The following FBXL17 variants were observed in gnomAD, a reference collection of about 807,000 sequenced individuals.
The protein encoded by FBXL17 is F-box and leucine rich repeat protein 17.
Under a neutral mutation model 66.2 loss-of-function variants are expected in FBXL17, and 22 were observed. The observed-to-expected ratio is 0.33, with a 90% CI of 0.24 to 0.47. The LOEUF (loss-of-function observed/expected upper bound fraction) is 0.47, where lower values mean the gene tolerates loss of function less well. FBXL17 is among the 20% of genes least tolerant of loss of function. FBXL17 has a pLI of 1.00. For missense variants in FBXL17, 878 were observed against 948.2 expected (o/e 0.93, Z 0.97); for synonymous variants, 474 against 400.5 (o/e 1.18, Z -2.19).
chr5:108,015,947 T>C (rs1754369418), intron 7 of FBXL17, among the ~76,000 whole-genome samples: 1 of 152,300 alleles, frequency 6.6e-6, no homozygotes, highest in East Asian at 1.9e-4. Flanking sequence ...CAGGCTAGCC[T>C]GTCCTCTGGA....
At chr5:108,280,949 A>G (rs1355221774) in intron 4 of FBXL17, among the ~76,000 whole-genome samples, 1 of 151,736 alleles carries the variant, frequency 6.6e-6, no homozygotes, top group African/African-American at 2.4e-5. Flanking sequence ...TAATAAAGGA[A>G]TCAATTCAGT....
At chr5:108,280,291 T>A (rs1757650879) in intron 4 of FBXL17, among the ~76,000 whole-genome samples, 1 of 152,072 alleles carries the variant, frequency 6.6e-6, no homozygotes, top group African/African-American at 2.4e-5. Flanking sequence ...AGCAGAAACC[T>A]TACAGACCAG....
chr5:107,882,445 C>T (rs1476411431), intron 7 of FBXL17, among the ~76,000 whole-genome samples: 1 of 151,672 alleles, frequency 6.6e-6, no homozygotes, highest in African/African-American at 2.4e-5. Context: ...ATAAAAACAA[C>T]AATCATGATC....
At position 108,378,557 on chromosome 5, in the gene FBXL17, C is replaced by G. The variant is rs377500740; in HGVS notation, c.993+2142G>C. Among the ~76,000 whole-genome samples, 37 of 152,318 alleles carry G rather than the reference C, an allele frequency of 2.4e-4. No individual in the cohort carries two copies. In the South Asian group the frequency reaches 7.5e-3, roughly 31 times the overall value. On this transcript the variant is annotated intron_variant, in intron 1 of 8. Coordinates refer to ENST00000542267, the MANE Select transcript of FBXL17 (RefSeq NM_001163315.3). Reference sequence around the variant, plus strand: ...GTCATAGCTCCATAAGTCTTCCCTTCTCCAAGTCAAACAACTCCAGTCCTT... The same window carrying G: ...GTCATAGCTCCATAAGTCTTCCCTTGTCCAAGTCAAACAACTCCAGTCCTT...
intron 6 of FBXL17, among the ~76,000 whole-genome samples, chr5:108,076,436 C>T (rs1382580074): frequency 1.3e-5 from 2 of 151,988 alleles, no homozygotes; most frequent in Non-Finnish European, 2.9e-5. Flanking sequence ...TAAGAGTTAA[C>T]ATTATAATAA....
intron 4 of FBXL17, among the ~76,000 whole-genome samples, chr5:108,248,977 T>G (rs553911089): frequency 4.2e-4 from 64 of 152,266 alleles, no homozygotes; most frequent in African/African-American, 1.4e-3. Context: ...GAAGGAATCT[T>G]GAAACATCAG....
At chr5:108,346,679 A>G (rs1016994711) in intron 4 of FBXL17, among the ~76,000 whole-genome samples, 1 of 152,168 alleles carries the variant, frequency 6.6e-6, no homozygotes, top group African/African-American at 2.4e-5. Context: ...TATGTTTTAC[A>G]TATCTCCTGT....
chr5:108,064,960 A>AT (rs565224960), intron 6 of FBXL17, among the ~76,000 whole-genome samples: 7 of 151,912 alleles, frequency 4.6e-5, no homozygotes, highest in Admixed American at 3.3e-4. Flanking sequence ...TAGATATTTT[A>AT]TTTTTTTATT....
At chr5:108,041,780 C>T (rs535832283) in intron 6 of FBXL17, among the ~76,000 whole-genome samples, 13 of 152,116 alleles carry the variant, frequency 8.5e-5, no homozygotes, top group African/African-American at 2.7e-4. Flanking sequence ...GTGAAAATTT[C>T]GAGAAATACA....
At chr5:108,224,903 C>T (rs1363376891) in intron 4 of FBXL17, among the ~76,000 whole-genome samples, 2 of 152,108 alleles carry the variant, frequency 1.3e-5, no homozygotes, top group African/African-American at 4.8e-5. Context: ...GCTGGGATTA[C>T]AGGGGTAAGC....
At chr5:108,330,924 G>A (rs564397984) in intron 4 of FBXL17, among the ~76,000 whole-genome samples, 2 of 152,172 alleles carry the variant, frequency 1.3e-5, no homozygotes, top group African/African-American at 4.8e-5. Flanking sequence ...ATGGTGGCGG[G>A]CACCTGTAGT....
intron 6 of FBXL17, among the ~76,000 whole-genome samples, chr5:108,126,807 T>C (rs1014093678): frequency 3.3e-5 from 5 of 151,694 alleles, no homozygotes; most frequent in African/African-American, 1.2e-4. Context: ...GTTTAGTCTA[T>C]TCTTTAATTC....
At chr5:108,359,396 T>C (rs1439460935) in intron 3 of FBXL17, among the ~76,000 whole-genome samples, 1 of 152,136 alleles carries the variant, frequency 6.6e-6, no homozygotes, top group Non-Finnish European at 1.5e-5. Flanking sequence ...CTTTGATTAC[T>C]GCTTTCAGAT....
At chr5:108,048,197 C>T (rs749945490) in intron 6 of FBXL17, among the ~76,000 whole-genome samples, 1 of 152,124 alleles carries the variant, frequency 6.6e-6, no homozygotes, top group Non-Finnish European at 1.5e-5. Flanking sequence ...ACTGAAGCAG[C>T]CCTACAGGAG....
intron 4 of FBXL17, chr5:108,299,204 AC>A: frequency 1.0e-6 from 1 of 984,918 alleles, no homozygotes; most frequent in Non-Finnish European, 1.2e-6. Flanking sequence ...GGACCTTTAT[AC>A]CTTTATGACA....
At chr5:108,379,802 T>A (rs1749714370) in intron 1 of FBXL17, among the ~76,000 whole-genome samples, 1 of 152,194 alleles carries the variant, frequency 6.6e-6, no homozygotes, top group Non-Finnish European at 1.5e-5. Context: ...TCACTAGCAT[T>A]GACAAAACTG....
At chr5:108,328,680 T>C (rs2909791) in intron 4 of FBXL17, among the ~76,000 whole-genome samples, 114,127 of 151,908 alleles carry the variant, frequency 0.75, 43,245 homozygotes, top group East Asian at 0.93. Context: ...CTTTTCTATA[T>C]TATTAGAATT....
chr5:107,941,171 G>T (rs1161800487), intron 7 of FBXL17, among the ~76,000 whole-genome samples: 1 of 151,886 alleles, frequency 6.6e-6, no homozygotes, highest in Non-Finnish European at 1.5e-5. Flanking sequence ...AGAGTTACAG[G>T]TTTGTTAGCA....
intron 2 of FBXL17, among the ~76,000 whole-genome samples, chr5:108,366,648 T>C (rs1019843955): frequency 6.6e-6 from 1 of 152,146 alleles, no homozygotes; most frequent in Middle Eastern, 3.4e-3. Flanking sequence ...AGAGTAATGA[T>C]GTAACAAGCT....
Sources: allele counts gnomAD v4.1 joint callset (sites outside exome capture counted in the v4.1 genomes callset), GRCh38; gene constraint gnomAD v4.1.1; transcripts MANE v1.5; gene names NCBI Gene and HGNC (gene_info 2026-07-23, HGNC 2026-07-21).